The following TYW1B variants were observed in gnomAD, a reference collection of about 807,000 sequenced individuals.
The protein encoded by TYW1B is tRNA-yW synthesizing protein 1 homolog B.
A neutral mutation model predicts 86.9 loss-of-function variants in TYW1B; 73 were observed. The ratio of observed to expected loss-of-function variants is 0.84; its 90% confidence interval spans 0.70 to 1.02. TYW1B has a LOEUF of 1.02. TYW1B is among the 50% of genes least tolerant of loss of function. The probability of loss-of-function intolerance (pLI) is 0.00; values close to 1 mark genes in which losing one functional copy is unlikely to be tolerated. For synonymous variants in TYW1B, 248 were observed against 292.8 expected, an observed-to-expected ratio of 0.85 and a Z score of 1.56; for missense variants, 637 against 827.4, an observed-to-expected ratio of 0.77 and a Z score of 2.82.
chr7:72,637,691 T>TTA (rs1275935197), intron 11 of TYW1B, among the ~76,000 whole-genome samples: 29 of 144,002 alleles, frequency 2.0e-4, no homozygotes, highest in Admixed American at 4.1e-4. Flanking sequence ...CTTTTCTTTT[T>TTA]AAAAAAAAAA....
intron 9 of TYW1B, among the ~76,000 whole-genome samples, chr7:72,724,150 A>T (rs1197935444): frequency 1.3e-5 from 2 of 152,208 alleles, no homozygotes; most frequent in African/African-American, 4.8e-5. Context: ...TTACAAATTA[A>T]GGGATCTCTC....
At chr7:72,745,181 T>G (rs1181629934) in intron 7 of TYW1B, among the ~76,000 whole-genome samples, 1 of 152,134 alleles carries the variant, frequency 6.6e-6, no homozygotes, top group Non-Finnish European at 1.5e-5. Flanking sequence ...TGAGCCACCA[T>G]GCCTGGTTAT....
intron 10 of TYW1B, among the ~76,000 whole-genome samples, chr7:72,701,479 G>A (rs1336643989): frequency 6.6e-6 from 1 of 152,090 alleles, no homozygotes; most frequent in African/African-American, 2.4e-5. Context: ...GCCCAGGCCA[G>A]TCTCAAACTC....
chr7:72,675,723 CATT>C (rs1342090109), intron 11 of TYW1B, among the ~76,000 whole-genome samples: 4 of 151,802 alleles, frequency 2.6e-5, no homozygotes, highest in Non-Finnish European at 5.9e-5. Flanking sequence ...TTAAATGTCA[CATT>C]ATTAATTACA....
intron 6 of TYW1B, among the ~76,000 whole-genome samples, chr7:72,782,420 C>CT (rs1788064599): frequency 6.6e-6 from 1 of 152,178 alleles, no homozygotes. Flanking sequence ...TTGCTGAAGA[C>CT]TTTAAGGTAA....
At chr7:72,725,123 C>T (rs1205901572) in intron 9 of TYW1B, among the ~76,000 whole-genome samples, 1 of 152,158 alleles carries the variant, frequency 6.6e-6, no homozygotes, top group Non-Finnish European at 1.5e-5. Context: ...CACGTGCTCA[C>T]GGAACTCACC....
intron 1 of TYW1B, among the ~76,000 whole-genome samples, chr7:72,827,384 G>C (rs1380619355): frequency 2.6e-5 from 4 of 152,172 alleles, no homozygotes; most frequent in Non-Finnish European, 5.9e-5. Flanking sequence ...CTCCAGCCTG[G>C]GCGACAGAGC....
chr7:72,793,079 C>T lies in TYW1B; in HGVS notation c.846+9321G>A, dbSNP rs549559476. Among the ~76,000 whole-genome samples the T allele has an allele frequency of 6.6e-5, 10 of 152,286 alleles. No individual in the cohort carries two copies. The South Asian group carries it at 1.9e-3, about 28-fold the overall frequency. Reference sequence around the variant, plus strand: ...GGAGGCCAGGCACGGTGGCTCTCAACTGTAATCCCAGCACTTTGGGAGGCC... The same window carrying T: ...GGAGGCCAGGCACGGTGGCTCTCAATTGTAATCCCAGCACTTTGGGAGGCC... On this transcript the variant is annotated intron_variant, in intron 6 of 13. Coordinates refer to ENST00000620995, the MANE Select transcript of TYW1B (RefSeq NM_001145440.3).
chr7:72,742,690 T>C lies in TYW1B; in HGVS notation c.1082+1794A>G, dbSNP rs552321431. Among the ~76,000 whole-genome samples, 8 of 152,272 alleles carry C rather than the reference T, an allele frequency of 5.3e-5. No homozygotes were observed. The East Asian group carries it at 1.3e-3, about 26-fold the overall frequency. ...AATAACTGATTTCATATTTGTAACA[T>C]TGTCTACTTGCTAAAATTTATTTGT... On this transcript the variant is annotated intron_variant, in intron 8 of 13. Coordinates refer to ENST00000620995, the MANE Select transcript of TYW1B (RefSeq NM_001145440.3).
intron 11 of TYW1B, among the ~76,000 whole-genome samples, chr7:72,659,915 G>A (rs1339026296): frequency 1.3e-5 from 2 of 152,154 alleles, no homozygotes; most frequent in African/African-American, 4.8e-5. Flanking sequence ...AGCAGTTTCC[G>A]AGTATCCTAA....
At chr7:72,616,393 G>A (rs1405909378) in intron 13 of TYW1B, among the ~76,000 whole-genome samples, 1 of 152,076 alleles carries the variant, frequency 6.6e-6, no homozygotes, top group Admixed American at 6.6e-5. Flanking sequence ...TTATTACAAG[G>A]GCATTTTGCT....
chr7:72,706,431 CAAAAA>C (rs59124514), intron 10 of TYW1B, among the ~76,000 whole-genome samples: 2 of 64,486 alleles, frequency 3.1e-5, no homozygotes, highest in Admixed American at 1.9e-4. Flanking sequence ...CCTCCATCTC[CAAAAA>C]AAAAAAAAAA....
chr7:72,729,355 CT>C (rs1400618566), intron 8 of TYW1B, among the ~76,000 whole-genome samples: 1 of 152,064 alleles, frequency 6.6e-6, no homozygotes, highest in Admixed American at 6.6e-5. Context: ...TGAGTTTCTC[CT>C]GATGCAGGCC....
intron 13 of TYW1B, among the ~76,000 whole-genome samples, chr7:72,596,994 A>C (rs1205466297): frequency 1.3e-5 from 2 of 152,038 alleles, no homozygotes; most frequent in African/African-American, 4.8e-5. Context: ...CACAGAAAAA[A>C]AGTGCTCAGC....
chr7:72,751,396 A>G (rs1296676900), intron 7 of TYW1B, among the ~76,000 whole-genome samples: 6 of 152,174 alleles, frequency 3.9e-5, no homozygotes, highest in African/African-American at 1.4e-4. Context: ...TGATCTGTTA[A>G]GGTCACTGAT....
chr7:72,795,145 C>G (rs1554474276), intron 6 of TYW1B, among the ~76,000 whole-genome samples: 1 of 151,884 alleles, frequency 6.6e-6, no homozygotes, highest in African/African-American at 2.4e-5. Flanking sequence ...TCTGTCCTGC[C>G]TCCCCCCAGC....
chr7:72,773,214 T>C (rs1183437327), intron 7 of TYW1B, among the ~76,000 whole-genome samples: 1 of 152,202 alleles, frequency 6.6e-6, no homozygotes, highest in Non-Finnish European at 1.5e-5. Flanking sequence ...GAGAGATCTG[T>C]AGTTGACCAC....
At chr7:72,584,619 C>A (rs186425041) in intron 13 of TYW1B, among the ~76,000 whole-genome samples, 1 of 152,208 alleles carries the variant, frequency 6.6e-6, no homozygotes, top group African/African-American at 2.4e-5. Context: ...CCATGCCCAG[C>A]TAATTCTTGC....
At chr7:72,789,195 GTAA>G (rs1453016754) in intron 6 of TYW1B, among the ~76,000 whole-genome samples, 3 of 151,330 alleles carry the variant, frequency 2.0e-5, no homozygotes, top group Admixed American at 6.6e-5. Flanking sequence ...GTGCAGTGGC[GTAA>G]TCTAGGCTCA....
Sources: allele counts gnomAD v4.1 joint callset (sites outside exome capture counted in the v4.1 genomes callset), GRCh38; gene constraint gnomAD v4.1.1; transcripts MANE v1.5; gene names NCBI Gene and HGNC (gene_info 2026-07-23, HGNC 2026-07-21).